PLEKHM1: variants seen among roughly 807,000 people sequenced by gnomAD.
The protein encoded by PLEKHM1 is pleckstrin homology and RUN domain containing M1.
PLEKHM1 carries 28 observed loss-of-function variants against 94.3 expected under a neutral mutation model. The ratio of observed to expected loss-of-function variants is 0.30; its 90% confidence interval spans 0.22 to 0.41. PLEKHM1 has a LOEUF of 0.41. Among genes scored for constraint, PLEKHM1 ranks in the 10% least tolerant of loss-of-function variants. The pLI is 1.00. For synonymous variants in PLEKHM1, 424 were observed against 581.2 expected (o/e 0.73, Z 3.89); for missense variants, 907 against 1,358.6 (o/e 0.67, Z 5.22).
Position 45,453,415 on chromosome 17 carries a change from G to T in PLEKHM1, c.2437C>A (p.Gln813Lys), listed in dbSNP as rs1354385370. The T allele has an allele frequency of 6.2e-7, 1 of 1,613,650 alleles. No individual in the cohort carries two copies. Among genetic ancestry groups the T allele is most frequent in the East Asian group, 2.2e-5 (1 of 44,884 alleles). ...TCCATGGGGATAGCCACCAGGTACT[G>T]CAGCAGGAAGCCATTCTCCCGGGTG... Reference protein sequence around the residue: ...FATRENGFLLQYLVAIPMEKG... With the variant: ...FATRENGFLLKYLVAIPMEKG... Residue 813 changes from glutamine (Q) to lysine (K), a missense_variant, in exon 7 of 12, where the codon CAG becomes AAG. Gln to Lys is a moderately conservative substitution (Grantham distance 53). Coordinates refer to ENST00000430334, the MANE Select transcript of PLEKHM1 (RefSeq NM_014798.3). The surrounding 1 kb of genome is among the most constrained non-coding windows in gnomAD (Gnocchi z 4.1).
rs1284098653 is a variant in PLEKHM1 at position 45,453,368 on chromosome 17, G to A, written c.2484C>T (p.Gly828=). The A allele has an allele frequency of 6.2e-7, 1 of 1,613,566 alleles. No homozygotes were observed. The highest frequency in any genetic ancestry group is 8.5e-7 in the Non-Finnish European group (1 of 1,179,676). The change falls in exon 7 of 12, where the codon GGC becomes GGT. Residue 828 remains glycine, a synonymous_variant. Transcript: ENST00000430334. The surrounding 1 kb of genome is among the most constrained non-coding windows in gnomAD (Gnocchi z 4.1). The stretch of plus-strand genomic sequence containing the variant: ...GCAAATCGGCACCTGCGCAGAAGCA[G>A]CCTTGGGAGTCAAGGCCTTTCTCCA... The part of the protein sequence containing the change: ...IPMEKGLDSQ[G]CFCAGCSRQI...
intron 1 of PLEKHM1, among the ~76,000 whole-genome samples, chr17:45,485,313 C>G (rs908722793): frequency 6.6e-5 from 10 of 152,150 alleles, no homozygotes; most frequent in African/African-American, 2.4e-4. Flanking sequence ...CCACGTCCAG[C>G]TTCTCTGGCT....
At chr17:45,464,422 C>G (rs886903726) in intron 5 of PLEKHM1, among the ~76,000 whole-genome samples, 17 of 152,142 alleles carry the variant, frequency 1.1e-4, no homozygotes, top group Non-Finnish European at 1.2e-4. Context: ...AACATCTCCC[C>G]CAAAATAACA....
intron 5 of PLEKHM1, among the ~76,000 whole-genome samples, chr17:45,465,312 CAG>C (rs1392199464): frequency 2.6e-5 from 4 of 151,806 alleles, no homozygotes; most frequent in African/African-American, 9.7e-5. Context: ...ATGAATGGGA[CAG>C]AGAGTCACTG....
At chr17:45,441,549 T>C (rs1274931474) in intron 9 of PLEKHM1, among the ~76,000 whole-genome samples, 2 of 152,152 alleles carry the variant, frequency 1.3e-5, no homozygotes, top group Admixed American at 1.3e-4. Flanking sequence ...GGTGGGCGGA[T>C]CTGGATGGAG....
In PLEKHM1 at chr17:45,437,702, T is replaced by C. The variant is rs771446470; in HGVS notation, c.*156A>G. ...GACACCACGGGGACTTCCTGGGCTT[T>C]CTCTGGGAGGCCGGTGCTCTGGCCA... On this transcript the variant is annotated 3_prime_UTR_variant, in exon 12 of 12. Coordinates refer to ENST00000430334, the MANE Select transcript of PLEKHM1 (RefSeq NM_014798.3). The surrounding 1 kb of genome is among the most constrained non-coding windows in gnomAD (Gnocchi z 4.0). The C allele has an allele frequency of 1.4e-6, 1 of 719,956 alleles. No individual in the cohort carries two copies. Among genetic ancestry groups the C allele is most frequent in the South Asian group, 1.5e-5 (1 of 67,730 alleles). 44.6% of individuals were successfully genotyped at this position (719,956 alleles called of 1,614,324 possible). A position where few individuals can be genotyped will look rare whatever the true frequency, so the allele number is the denominator to read the frequency against.
intron 4 of PLEKHM1, among the ~76,000 whole-genome samples, chr17:45,474,248 G>A (rs1355739341): frequency 3.3e-5 from 5 of 151,966 alleles, no homozygotes; most frequent in Admixed American, 2.0e-4. Context: ...TAGTAGAGAC[G>A]GGGTTTCACC....
In PLEKHM1 at chr17:45,440,158, C is replaced by G. The variant is rs1381320583; in HGVS notation, c.2901+5G>C. On this transcript the variant is annotated splice_donor_5th_base_variant and intron_variant, in intron 10 of 11. Coordinates refer to ENST00000430334, the MANE Select transcript of PLEKHM1 (RefSeq NM_014798.3). ...GTCTGGGCGGGGGAAGCATGACACT[C>G]TTACCTGTTGGAGGTCAGCAACACT... 1.2e-6 allele frequency: 2 copies of G among 1,613,356 alleles called. No individual in the cohort carries two copies. The highest frequency in any genetic ancestry group is 1.7e-6 in the Non-Finnish European group (2 of 1,179,256).
intron 1 of PLEKHM1, among the ~76,000 whole-genome samples, chr17:45,486,442 C>G (rs918467419): frequency 1.4e-5 from 2 of 146,286 alleles, no homozygotes; most frequent in African/African-American, 5.1e-5. Flanking sequence ...ATTAGCCGGG[C>G]GGGCACCTGT....
downstream of PLEKHM1, among the ~76,000 whole-genome samples, chr17:45,435,175 G>A (rs1026772193): frequency 1.8e-4 from 28 of 152,124 alleles, no homozygotes; most frequent in Non-Finnish European, 3.2e-4. Flanking sequence ...GCCCTTGGGG[G>A]AAGCTGGGGC....
rs567955017 is a variant in PLEKHM1 at position 45,484,487 on chromosome 17, T to A, written c.-41-1962A>T. Among the ~76,000 whole-genome samples the A allele has an allele frequency of 5.7e-4, 87 of 152,352 alleles. 1 individual carries two copies. The highest frequency in any genetic ancestry group is 2.1e-3 in the African/African-American group (86 of 41,588). On this transcript the variant is annotated intron_variant, in intron 1 of 11. Coordinates refer to ENST00000430334, the MANE Select transcript of PLEKHM1 (RefSeq NM_014798.3). ...CCAATTGCCAATCAGGAAAATCTTT[T>A]AATCCACCTTACCCTGTCCCCACCA...
intron 5 of PLEKHM1, 40 bp from the exon 6 acceptor site, chr17:45,458,479 T>G: frequency 6.3e-7 from 1 of 1,591,072 alleles, no homozygotes; most frequent in Non-Finnish European, 8.6e-7. Context: ...TTTTAAAGTT[T>G]TTTTGTTTTG....
intron 1 of PLEKHM1, among the ~76,000 whole-genome samples, chr17:45,483,637 G>A (rs540235822): frequency 6.6e-6 from 1 of 152,206 alleles, no homozygotes; most frequent in African/African-American, 2.4e-5. Context: ...ACCGCACAAA[G>A]AAGTTAACAA....
rs376238147 is a variant in PLEKHM1, at chr17:45,444,508, T to C, written c.2837+962A>G. ...TCCTGAGGGCCCCGCCCGGATCACGTCTTCTTTGGAGAATTTCAGGAGGGA... is the reference window on the plus strand; with the variant it reads ...TCCTGAGGGCCCCGCCCGGATCACGCCTTCTTTGGAGAATTTCAGGAGGGA... On this transcript the variant is annotated intron_variant, in intron 9 of 11. Transcript: ENST00000430334. This position sits in a 1 kb window ranked among gnomAD's most constrained non-coding sequence, Gnocchi z 5.0. Among the ~76,000 whole-genome samples the C allele has an allele frequency of 2.0e-5, 3 of 152,236 alleles. No homozygotes were observed. Among genetic ancestry groups the C allele is most frequent in the East Asian group, 3.9e-4 (2 of 5,170 alleles).
Position 45,458,382 on chromosome 17 carries a change from G to C in PLEKHM1, c.1366C>G (p.Leu456Val), listed in dbSNP as rs1477028673. The C allele has an allele frequency of 5.6e-6, 9 of 1,613,972 alleles. No individual in the cohort carries two copies. The highest frequency in any genetic ancestry group is 3.3e-5 in the South Asian group (3 of 91,076). The change falls in exon 6 of 12, where the codon CTG (leucine) becomes GTG (valine). Residue 456 changes from leucine to valine, a missense_variant. By Grantham distance (32) the Leu-to-Val change is conservative. Transcript: ENST00000430334. ...ATTGGGTGGTCTGAAGCACTCTCCA[G>C]GGGTTGCTCCCGGGAAGGCCGGTAG... Reference protein sequence around the residue: ...DFYRPSREQPLESASDHPIAS... With the variant: ...DFYRPSREQPVESASDHPIAS...
At chr17:45,477,412 TGACA>T (rs999848755) in intron 3 of PLEKHM1, 1 of 206,896 alleles carries the variant, frequency 4.8e-6, no homozygotes, top group African/African-American at 2.4e-5. Flanking sequence ...CCAGCCTGAG[TGACA>T]GAGCGAAACT....
At chr17:45,476,574 C>G (rs545886640) in intron 3 of PLEKHM1, among the ~76,000 whole-genome samples, 3 of 152,130 alleles carry the variant, frequency 2.0e-5, no homozygotes, top group Non-Finnish European at 4.4e-5. Context: ...ACCAGAACCC[C>G]CTGGGGAACT....
rs752667970 is a variant in PLEKHM1, at chr17:45,454,276, G to A, written c.1580-4C>T. The A allele has an allele frequency of 1.9e-6, 3 of 1,595,922 alleles. No individual in the cohort carries two copies. The highest frequency in any genetic ancestry group is 2.6e-6 in the Non-Finnish European group (3 of 1,171,510). ...CCCCGGAATGGGTTGGACAGTCCTG[G>A]AGGCAGAGGCAAAAAGGGGCACATT... On this transcript the variant is annotated splice_region_variant and splice_polypyrimidine_tract_variant and intron_variant, in intron 6 of 11. Transcript: ENST00000430334.
chr17:45,443,217 G>A (rs2050500446), intron 9 of PLEKHM1, among the ~76,000 whole-genome samples: 1 of 152,024 alleles, frequency 6.6e-6, no homozygotes, highest in African/African-American at 2.4e-5. Context: ...AGCTCCTCTG[G>A]CCCCTGCCAA....
Sources: gnomAD v4.1 joint callset for allele counts (sites outside exome capture counted in the v4.1 genomes callset) on GRCh38, gnomAD v4.1.1 for gene constraint, Gnocchi (gnomAD v3.1) non-coding constraint, MANE v1.5 for transcripts, NCBI Gene and HGNC (gene_info 2026-07-23, HGNC 2026-07-21) for gene names.